The following ZNF385D variants were observed in gnomAD, a reference collection of about 807,000 sequenced individuals.
The protein encoded by ZNF385D is zinc finger protein 659.
In ZNF385D, 15 loss-of-function variants were observed where a neutral mutation model predicts 35.8. The observed-to-expected ratio is 0.42, with a 90% confidence interval of 0.28 to 0.64. The LOEUF is 0.64. ZNF385D is among the 30% of genes least tolerant of loss of function. The pLI, the probability that ZNF385D is intolerant of heterozygous loss-of-function variation, is 0.23. For missense variants in ZNF385D, 474 were observed against 494.6 expected (o/e 0.96, Z 0.39); for synonymous variants, 212 against 186.8 (o/e 1.13, Z -1.10).
At chr3:21,781,288 G>A (rs2071479624) in intron 3 of ZNF385D, among the ~76,000 whole-genome samples, 1 of 152,062 alleles carries the variant, frequency 6.6e-6, no homozygotes. Context: ...TAGTCAGGAA[G>A]AGTAAGCGGT....
intron 2 of ZNF385D, among the ~76,000 whole-genome samples, chr3:22,238,145 T>C (rs1470056271): frequency 6.6e-6 from 1 of 151,214 alleles, no homozygotes; most frequent in African/African-American, 2.4e-5. Context: ...GCACTCTCAA[T>C]TCTATTCTAC....
chr3:21,609,963 A>G (rs775353027), intron 2 of ZNF385D, among the ~76,000 whole-genome samples: 2 of 152,202 alleles, frequency 1.3e-5, no homozygotes, highest in African/African-American at 2.4e-5. Context: ...CCAGTTGCGC[A>G]GGCAAATAAA....
At chr3:21,915,531 C>T (rs1424051938) in intron 3 of ZNF385D, among the ~76,000 whole-genome samples, 1 of 151,936 alleles carries the variant, frequency 6.6e-6, no homozygotes, top group African/African-American at 2.4e-5. Flanking sequence ...AAATGTGTTT[C>T]TTTGCAAATA....
At chr3:21,969,248 C>A (rs1482085828) in intron 3 of ZNF385D, among the ~76,000 whole-genome samples, 4 of 152,110 alleles carry the variant, frequency 2.6e-5, no homozygotes. Context: ...TGTGCCCCCA[C>A]TCAAATCTCA....
chr3:22,126,199 T>C (rs993103336), intron 3 of ZNF385D, among the ~76,000 whole-genome samples: 2 of 152,060 alleles, frequency 1.3e-5, no homozygotes, highest in East Asian at 1.9e-4. Context: ...ATTCTGCTAA[T>C]ATAATGTATC....
At chr3:21,666,936 A>G (rs1048409423) in intron 1 of ZNF385D, among the ~76,000 whole-genome samples, 1 of 151,876 alleles carries the variant, frequency 6.6e-6, no homozygotes, top group African/African-American at 2.4e-5. Flanking sequence ...AAATTAGCCA[A>G]ATGTGGGGTG....
intron 3 of ZNF385D, among the ~76,000 whole-genome samples, chr3:21,833,463 A>G (rs983450384): frequency 4.6e-5 from 7 of 152,160 alleles, no homozygotes; most frequent in African/African-American, 1.7e-4. Flanking sequence ...GATTGTGGCC[A>G]TAAGCCAAAA....
At chr3:21,506,845 C>T (rs1395347454) in intron 4 of ZNF385D, among the ~76,000 whole-genome samples, 6 of 152,164 alleles carry the variant, frequency 3.9e-5, no homozygotes, top group African/African-American at 9.6e-5. Flanking sequence ...TGTTCTTTAA[C>T]GTTAGGAAGT....
intron 3 of ZNF385D, among the ~76,000 whole-genome samples, chr3:21,797,508 A>G (rs558124597): frequency 6.6e-6 from 1 of 152,238 alleles, no homozygotes; most frequent in Non-Finnish European, 1.5e-5. Context: ...AGGAGTTGAA[A>G]AGTTATGTCC....
At chr3:21,733,705 G>C (rs553965957) in intron 1 of ZNF385D, among the ~76,000 whole-genome samples, 97 of 152,118 alleles carry the variant, frequency 6.4e-4, no homozygotes, top group African/African-American at 2.1e-3. Flanking sequence ...TTTCTTCTAT[G>C]TATTTATAGC....
intron 3 of ZNF385D, among the ~76,000 whole-genome samples, chr3:21,757,256 C>T (rs1161883534): frequency 1.3e-5 from 2 of 151,446 alleles, no homozygotes; most frequent in African/African-American, 4.8e-5. Flanking sequence ...CTCAGCCTCA[C>T]TATAGTCACA....
At chr3:21,768,772 T>TC (rs2070946086) in intron 3 of ZNF385D, among the ~76,000 whole-genome samples, 1 of 151,834 alleles carries the variant, frequency 6.6e-6, no homozygotes, top group African/African-American at 2.4e-5. Context: ...GAACCCACCG[T>TC]CCCCCATTGA....
intron 2 of ZNF385D, among the ~76,000 whole-genome samples, chr3:22,339,279 C>T (rs1478999709): frequency 2.0e-5 from 3 of 152,042 alleles, no homozygotes; most frequent in Non-Finnish European, 4.4e-5. Flanking sequence ...TGCCCAAGTG[C>T]GTAAGTAAAT....
intron 5 of ZNF385D, among the ~76,000 whole-genome samples, chr3:21,435,228 A>C (rs1701489053): frequency 6.6e-6 from 1 of 151,098 alleles, no homozygotes; most frequent in Non-Finnish European, 1.5e-5. Flanking sequence ...GATATTTCTA[A>C]TAAGAATTCA....
chr3:21,690,509 T>G (rs186189329), intron 1 of ZNF385D, among the ~76,000 whole-genome samples: 3 of 152,272 alleles, frequency 2.0e-5, no homozygotes, highest in Non-Finnish European at 4.4e-5. Context: ...ACTTCTTAAT[T>G]TTACATTCTC....
chr3:22,209,881 T>A (rs1404170478), intron 2 of ZNF385D, among the ~76,000 whole-genome samples: 3 of 151,830 alleles, frequency 2.0e-5, no homozygotes, highest in Non-Finnish European at 4.4e-5. Context: ...ACAGCATAAA[T>A]AAGCATAAAT....
chr3:22,329,661 A>G (rs1694844427), intron 2 of ZNF385D, among the ~76,000 whole-genome samples: 3 of 152,210 alleles, frequency 2.0e-5, no homozygotes, highest in South Asian at 2.1e-4. Flanking sequence ...GAACTTTTGC[A>G]TAAGAGTAAA....
At chr3:22,300,097 C>T (rs1213701256) in intron 2 of ZNF385D, among the ~76,000 whole-genome samples, 1 of 151,802 alleles carries the variant, frequency 6.6e-6, no homozygotes, top group Non-Finnish European at 1.5e-5. Flanking sequence ...ATGGTACTGG[C>T]ATAAAAACCA....
intron 4 of ZNF385D, among the ~76,000 whole-genome samples, chr3:21,471,991 G>A (rs372730425): frequency 1.1e-4 from 17 of 152,220 alleles, no homozygotes; most frequent in African/African-American, 3.8e-4. Flanking sequence ...GTGTTTATGT[G>A]AGGATTAATT....
Sources: gnomAD v4.1 joint callset for allele counts (sites outside exome capture counted in the v4.1 genomes callset) on GRCh38, gnomAD v4.1.1 for gene constraint, MANE v1.5 for transcripts, NCBI Gene and HGNC (gene_info 2026-07-23, HGNC 2026-07-21) for gene names.